Variants in FOXN3 observed in about 807,000 individuals in gnomAD.
FOXN3 encodes forkhead box N3.
In FOXN3, 7 loss-of-function variants were observed where a neutral mutation model predicts 38.4. The observed-to-expected ratio is 0.18, with a 90% CI of 0.10 to 0.34. The LOEUF (loss-of-function observed/expected upper bound fraction) is 0.34. Ranked by LOEUF, FOXN3 falls within the 10% of genes least tolerant of loss-of-function variation. The pLI is 1.00. For synonymous variants in FOXN3, 230 were observed against 242.2 expected (o/e 0.95, Z 0.47); for missense variants, 456 against 613.4 (o/e 0.74, Z 2.71).
chr14:89,582,017 T>C (rs1380450026), intron 1 of FOXN3, among the ~76,000 whole-genome samples: 2 of 152,160 alleles, frequency 1.3e-5, no homozygotes, highest in East Asian at 1.9e-4. Context: ...ACTGTTTTAT[T>C]GGGAAGGAAG....
At chr14:89,382,232 G>A (rs1410848541) in intron 2 of FOXN3, among the ~76,000 whole-genome samples, 1 of 152,062 alleles carries the variant, frequency 6.6e-6, no homozygotes, top group Non-Finnish European at 1.5e-5. Flanking sequence ...GTGTCACCAA[G>A]TGTACACCTT....
At chr14:89,373,644 G>A (rs777591997) in intron 2 of FOXN3, among the ~76,000 whole-genome samples, 25 of 152,150 alleles carry the variant, frequency 1.6e-4, no homozygotes, top group Admixed American at 6.5e-4. Context: ...GGCTGTCTCT[G>A]TGTTTGCTCA....
intron 4 of FOXN3, among the ~76,000 whole-genome samples, chr14:89,196,500 A>T (rs1392201632): frequency 6.6e-6 from 1 of 152,086 alleles, no homozygotes; most frequent in Non-Finnish European, 1.5e-5. Context: ...TTGGTTTTTC[A>T]TCCCTTTCCA....
chr14:89,206,825 T>C (rs1168028446), intron 4 of FOXN3, among the ~76,000 whole-genome samples: 2 of 152,222 alleles, frequency 1.3e-5, no homozygotes, highest in Non-Finnish European at 2.9e-5. Context: ...CGACTTTTTT[T>C]TCTTCTTTTT....
intron 3 of FOXN3, chr14:89,333,212 A>C (rs1488282469): frequency 6.2e-6 from 1 of 161,176 alleles, no homozygotes; most frequent in Non-Finnish European, 1.4e-5. Context: ...GTGGATCACG[A>C]GGTCAGGAGT....
At chr14:89,432,461 G>T (rs1892179222) in intron 1 of FOXN3, among the ~76,000 whole-genome samples, 1 of 152,178 alleles carries the variant, frequency 6.6e-6, no homozygotes, top group Non-Finnish European at 1.5e-5. Flanking sequence ...GCTTCCTGCA[G>T]GCCAGGCACC....
chr14:89,451,268 C>A (rs1380532155), intron 1 of FOXN3, among the ~76,000 whole-genome samples: 1 of 152,182 alleles, frequency 6.6e-6, no homozygotes, highest in African/African-American at 2.4e-5. Flanking sequence ...GGCCCCCTAC[C>A]ATCAATCCAG....
intron 3 of FOXN3, among the ~76,000 whole-genome samples, chr14:89,337,931 C>T (rs573584010): frequency 1.3e-5 from 2 of 152,178 alleles, no homozygotes; most frequent in South Asian, 4.1e-4. Context: ...TGCCCAGCCA[C>T]ATTTACATTT....
intron 1 of FOXN3, among the ~76,000 whole-genome samples, chr14:89,605,516 G>T (rs1049708802): frequency 8.6e-5 from 13 of 151,892 alleles, no homozygotes; most frequent in Admixed American, 2.0e-4. Context: ...GGAAAAAAAT[G>T]AAGAAATAAA....
chr14:89,443,223 G>A (rs958067514), intron 1 of FOXN3, among the ~76,000 whole-genome samples: 2 of 152,170 alleles, frequency 1.3e-5, no homozygotes, highest in Non-Finnish European at 2.9e-5. Context: ...CATTTTAAAC[G>A]TGCAACAGGG....
In FOXN3 at chr14:89,191,653, T is replaced by C. The variant is rs1887946050; in HGVS notation, c.746-10847A>G. Among the ~76,000 whole-genome samples, 5 of 151,762 alleles carry C rather than the reference T, an allele frequency of 3.3e-5. No homozygotes were observed. In the South Asian group the frequency reaches 1.0e-3, roughly 31 times the overall value. ...AAAAAAGTACATTTTTCATACTTTA[T>C]ATGTGTGGTTTAATTCCAAAGGAGT... On this transcript the variant is annotated intron_variant, in intron 4 of 5. Coordinates refer to ENST00000557258, the MANE Select transcript of FOXN3 (RefSeq NM_005197.4).
At chr14:89,199,293 G>A (rs1037476603) in intron 4 of FOXN3, among the ~76,000 whole-genome samples, 1 of 152,168 alleles carries the variant, frequency 6.6e-6, no homozygotes, top group Non-Finnish European at 1.5e-5. Flanking sequence ...ACGCCAGTGA[G>A]CCCGGTGCAC....
chr14:89,333,961 G>GGT (rs1477552650), intron 3 of FOXN3, among the ~76,000 whole-genome samples: 1,702 of 59,206 alleles, frequency 0.029, 82 homozygotes, highest in African/African-American at 0.14. Flanking sequence ...AAGAAAATGT[G>GGT]GTGTGTATAT....
chr14:89,604,231 A>ACACGTGCGCG (rs1896219076), intron 1 of FOXN3, among the ~76,000 whole-genome samples: 2 of 147,148 alleles, frequency 1.4e-5, no homozygotes, highest in African/African-American at 2.6e-5. Flanking sequence ...ACACACACAC[A>ACACGTGCGCG]CACACACACG....
chr14:89,413,051 C>T (rs777317904), intron 1 of FOXN3, among the ~76,000 whole-genome samples: 25 of 152,052 alleles, frequency 1.6e-4, no homozygotes, highest in Non-Finnish European at 1.9e-4. Context: ...ATCCCTCCAC[C>T]CCGACCCACC....
intron 4 of FOXN3, among the ~76,000 whole-genome samples, chr14:89,244,667 C>T (rs1281927540): frequency 2.0e-5 from 3 of 152,136 alleles, no homozygotes; most frequent in African/African-American, 7.2e-5. Flanking sequence ...AATGAAGATT[C>T]CCCATACTTA....
intron 1 of FOXN3, among the ~76,000 whole-genome samples, chr14:89,551,288 T>A (rs1895000939): frequency 6.6e-6 from 1 of 152,206 alleles, no homozygotes; most frequent in African/African-American, 2.4e-5. Flanking sequence ...TGGGTCTAAC[T>A]TTCTGGGGTT....
intron 1 of FOXN3, among the ~76,000 whole-genome samples, chr14:89,448,064 G>A (rs540538017): frequency 9.9e-5 from 15 of 151,942 alleles, no homozygotes; most frequent in Non-Finnish European, 1.5e-4. Context: ...CGCCCGCCTC[G>A]GCCTCCCAAA....
chr14:89,334,909 G>A (rs1262159222), intron 3 of FOXN3, among the ~76,000 whole-genome samples: 2 of 151,976 alleles, frequency 1.3e-5, no homozygotes, highest in Non-Finnish European at 2.9e-5. Context: ...TGGGATTACA[G>A]GCGTGCACCA....
Sources: allele counts gnomAD v4.1 joint callset (sites outside exome capture counted in the v4.1 genomes callset), GRCh38; gene constraint gnomAD v4.1.1; transcripts MANE v1.5; gene names NCBI Gene and HGNC (gene_info 2026-07-23, HGNC 2026-07-21).